Variants in GART observed in about 807,000 individuals in gnomAD.
GART encodes the protein trifunctional purine biosynthetic protein adenosine-3.
A neutral mutation model predicts 107.2 loss-of-function variants in GART; 43 were observed. The ratio of observed to expected loss-of-function variants is 0.40; its 90% CI spans 0.31 to 0.52. GART has a LOEUF of 0.52. GART is among the 20% of genes least tolerant of loss of function. GART has a pLI of 0.52. For missense variants in GART, 1,107 were observed against 1,206.5 expected, an observed-to-expected ratio of 0.92 and a Z score of 1.22; for synonymous variants, 434 against 427.0, an observed-to-expected ratio of 1.02 and a Z score of -0.20.
chr21:33,533,492 TA>T (rs1171905242), intron 4 of GART, among the ~76,000 whole-genome samples: 3 of 149,380 alleles, frequency 2.0e-5, no homozygotes, highest in Admixed American at 6.7e-5. Context: ...AATAAATAAA[TA>T]AAATAAAATG....
intron 4 of GART, among the ~76,000 whole-genome samples, chr21:33,532,956 T>A (rs1156794430): frequency 6.6e-6 from 1 of 151,750 alleles, no homozygotes; most frequent in African/African-American, 2.4e-5. Context: ...ATAATAATAT[T>A]CAGTGTTTAA....
intron 10 of GART, among the ~76,000 whole-genome samples, chr21:33,526,754 T>C (rs576015083): frequency 1.3e-5 from 2 of 152,354 alleles, no homozygotes; most frequent in East Asian, 1.9e-4. Flanking sequence ...TACAGCTTTA[T>C]AGTTAAAACA....
chr21:33,517,179 G>C, intron 15 of GART, 38 bp from the exon 16 acceptor site: 2 of 1,579,308 alleles, frequency 1.3e-6, no homozygotes, highest in Non-Finnish European at 1.7e-6. Flanking sequence ...CTTAGCCTAT[G>C]AATAGAAAAC....
chr21:33,542,268 C>T (rs1193214593), upstream of GART: 1 of 152,266 alleles, frequency 6.6e-6, no homozygotes, highest in Non-Finnish European at 1.5e-5. Context: ...TGACTGCTCC[C>T]CAGCCGAGAC....
At position 33,530,861 on chromosome 21, in the gene GART, C is replaced by A. The variant is rs764877659; in HGVS notation, c.621G>T (p.Lys207Asn). The A allele has an allele frequency of 2.0e-6, 3 of 1,525,524 alleles. No homozygotes were observed. Among genetic ancestry groups the A allele is most frequent in the East Asian group, 2.6e-5 (1 of 38,216 alleles). The allele number at this position is 1,525,524 out of a possible 1,614,324, so 94.5% of individuals were successfully genotyped here. A position where few individuals can be genotyped will look rare whatever the true frequency, so the allele number is the denominator to read the frequency against. ...GTGCTGGGGGCATGGGGGCCACAGT[C>A]TTGCCATCAGTGAAACACAGACACT... Reference protein sequence around the residue: ...EVSCLCFTDGKTVAPMPPAQD... With the variant: ...EVSCLCFTDGNTVAPMPPAQD... The change falls in exon 7 of 22, where the codon AAG becomes AAT. Residue 207 changes from lysine to asparagine, a missense_variant. Coordinates refer to ENST00000381815, the MANE Select transcript of GART (RefSeq NM_000819.5).
chr21:33,524,565 T>C (rs2085033115), intron 11 of GART: 5 of 1,265,428 alleles, frequency 4.0e-6, no homozygotes, highest in Middle Eastern at 3.0e-4. Context: ...TGCTAAACTT[T>C]CCAAACTTAC....
In GART at chr21:33,525,012, C is replaced by A; in HGVS notation, c.1067-12G>T. 2 of 1,604,684 alleles carry A rather than the reference C, an allele frequency of 1.2e-6. No homozygotes were observed. Among genetic ancestry groups the A allele is most frequent in the East Asian group, 2.2e-5 (1 of 44,756 alleles). ...AGCCTCAGGAAACCCTAGAAGAGAG[C>A]ATATTTGACATATGATTTCAAATAG... On this transcript the variant is annotated splice_polypyrimidine_tract_variant and intron_variant, in intron 10 of 21. Transcript: ENST00000381815.
chr21:33,539,679 C>G (rs1306021227), intron 1 of GART, among the ~76,000 whole-genome samples: 1 of 148,948 alleles, frequency 6.7e-6, no homozygotes, highest in Non-Finnish European at 1.5e-5. Context: ...GGAAACAGAG[C>G]AAGACCATCT....
intron 1 of GART, among the ~76,000 whole-genome samples, chr21:33,540,824 C>G (rs2085399653): frequency 6.6e-6 from 1 of 152,084 alleles, no homozygotes; most frequent in Non-Finnish European, 1.5e-5. Flanking sequence ...TAACCTTGGG[C>G]AGGGTACTAT....
At chr21:33,525,129 A>G (rs527266267) in intron 10 of GART, 129 bp from the exon 11 acceptor site, 9 of 1,411,148 alleles carry the variant, frequency 6.4e-6, no homozygotes, top group Admixed American at 3.0e-5. Flanking sequence ...GCTCATGCTT[A>G]TAATTCCAGC....
rs1206453613 is a variant in GART at position 33,513,386 on chromosome 21, A to G, written c.2108-1928T>C. 2.6e-5 allele frequency among the ~76,000 whole-genome samples: 4 copies of G among 152,034 alleles called. No individual in the cohort carries two copies. The South Asian group carries it at 6.2e-4, about 24-fold the overall frequency. ...GGAGTTCGACACCAGCCTGGCCAAC[A>G]TGATGAAACCCCATCTCTACTGAAA... On this transcript the variant is annotated intron_variant, in intron 16 of 21. Transcript: ENST00000381815.
intron 14 of GART, chr21:33,519,117 C>G (rs1013363752): frequency 1.4e-5 from 4 of 284,434 alleles, no homozygotes; most frequent in Non-Finnish European, 2.8e-5. Flanking sequence ...TTGGTTGTTT[C>G]TTTCATCTTG....
At position 33,524,647 on chromosome 21, in the gene GART, C is replaced by T. The variant is rs1353111077; in HGVS notation, c.1298+122G>A. The stretch of plus-strand genomic sequence containing the variant: ...GATTCAAACAAAATACAAACCAAGA[C>T]TGTATCACTCCCACAGAGAGAAAAG... On this transcript the variant is annotated intron_variant, in intron 11 of 21. Coordinates refer to ENST00000381815, the MANE Select transcript of GART (RefSeq NM_000819.5). The T allele has an allele frequency of 1.9e-5, 28 of 1,476,562 alleles. No homozygotes were observed. The Admixed American group carries it at 2.3e-4, about 12-fold the overall frequency. The allele number at this position is 1,476,562 out of a possible 1,614,324, so 91.5% of individuals were successfully genotyped here. A position where few individuals can be genotyped will look rare whatever the true frequency, so the allele number is the denominator to read the frequency against.
At chr21:33,523,176 G>C (rs1198814974) in intron 11 of GART, among the ~76,000 whole-genome samples, 1 of 152,126 alleles carries the variant, frequency 6.6e-6, no homozygotes, top group African/African-American at 2.4e-5. Context: ...CTGGCCTGCT[G>C]GGATGCAGTG....
At chr21:33,541,140 T>G (rs1449158294) in intron 1 of GART, among the ~76,000 whole-genome samples, 1 of 152,170 alleles carries the variant, frequency 6.6e-6, no homozygotes, top group African/African-American at 2.4e-5. Context: ...ACAGATTTTT[T>G]ATTTTATTTA....
Position 33,511,346 on chromosome 21 carries a change from C to T in GART, c.2220G>A (p.Val740=). ...TFNCGVGAVL[V]VSKEQTEQIL... ...TCTGCTCTGTCTGCTCCTTTGATACCACAAGGACAGCGCCAACCCCACAGT... is the reference window on the plus strand; with the variant it reads ...TCTGCTCTGTCTGCTCCTTTGATACTACAAGGACAGCGCCAACCCCACAGT... Residue 740 remains valine, a synonymous_variant, in exon 17 of 22, where the codon GTG becomes GTA. Transcript: ENST00000381815. The T allele has an allele frequency of 6.2e-7, 1 of 1,614,114 alleles. No homozygotes were observed. Among genetic ancestry groups the T allele is most frequent in the Non-Finnish European group, 8.5e-7 (1 of 1,180,014 alleles).
chr21:33,528,571 T>C lies in GART; in HGVS notation c.845A>G (p.Asn282Ser), dbSNP rs746893184. The C allele has an allele frequency of 5.6e-6, 9 of 1,607,840 alleles. No homozygotes were observed. Among genetic ancestry groups the C allele is most frequent in the Non-Finnish European group, 7.6e-6 (9 of 1,178,530 alleles). Residue 282 changes from asparagine (N) to serine (S), a missense_variant, in exon 9 of 22, where the codon AAT (asparagine) becomes AGT (serine). Physicochemically the swap from Asn to Ser is conservative, Grantham distance 46 (BLOSUM62 1). Coordinates refer to ENST00000381815, the MANE Select transcript of GART (RefSeq NM_000819.5). ...ILYAGIMLTK[N>S]GPKVLEFNCR... Reference sequence around the variant, plus strand: ...ATTAAACTCTAGAACTTTTGGGCCATTCTTGGTCAGCATTATTCCAGCATA... The same window carrying C: ...ATTAAACTCTAGAACTTTTGGGCCACTCTTGGTCAGCATTATTCCAGCATA...
intron 11 of GART, 90 bp downstream of exon 11, chr21:33,524,679 G>A: frequency 6.4e-7 from 1 of 1,556,840 alleles, no homozygotes. Flanking sequence ...AAAGAATACT[G>A]AATGACTTAT....
At chr21:33,528,365 G>A in intron 9 of GART, 30 bp from the exon 10 acceptor site, 1 of 1,607,536 alleles carries the variant, frequency 6.2e-7, no homozygotes, top group Non-Finnish European at 8.5e-7. Context: ...ATGGCAGGTG[G>A]GATAAATTTT....
Sources: allele counts gnomAD v4.1 joint callset (sites outside exome capture counted in the v4.1 genomes callset), GRCh38; gene constraint gnomAD v4.1.1; transcripts MANE v1.5; gene names NCBI Gene and HGNC (gene_info 2026-07-23, HGNC 2026-07-21).